The following VWA2 variants were observed in gnomAD, a reference collection of about 807,000 sequenced individuals.
The protein encoded by VWA2 is von Willebrand factor A domain containing 2, also known as von Willebrand factor A domain-containing protein 2.
Under a neutral mutation model 70.4 loss-of-function variants are expected in VWA2, and 73 were observed. The observed-to-expected ratio is 1.04, with a 90% CI of 0.86 to 1.26. The LOEUF (loss-of-function observed/expected upper bound fraction) is 1.26, where lower values mean the gene tolerates loss of function less well. VWA2 is among the 50% of genes most tolerant of loss of function. The pLI is 0.00. For synonymous variants in VWA2, 407 were observed against 423.3 expected (o/e 0.96, Z 0.47); for missense variants, 1,011 against 998.5 (o/e 1.01, Z -0.17).
At chr10:114,239,967 C>T (rs552804401) in intron 1 of VWA2, among the ~76,000 whole-genome samples, 147 of 152,304 alleles carry the variant, frequency 9.7e-4, no homozygotes, top group Non-Finnish European at 1.8e-3. Context: ...CCTTCCCTGG[C>T]GGCCGCGGAA....
At position 114,292,652 on chromosome 10, in the gene VWA2, T is replaced by C. The variant is rs1001562798; in HGVS notation, c.*1415T>C. Reference sequence around the variant, plus strand: ...TTCTCCTTGGTTGTGTTGTTTAGAGTTGGATTTTCTGTAGAAATCTTTCTA... The same window carrying C: ...TTCTCCTTGGTTGTGTTGTTTAGAGCTGGATTTTCTGTAGAAATCTTTCTA... On this transcript the variant is annotated 3_prime_UTR_variant, in exon 14 of 14. Coordinates refer to ENST00000392982, the MANE Select transcript of VWA2 (RefSeq NM_001272046.2). Among the ~76,000 whole-genome samples the C allele has an allele frequency of 6.6e-6, 1 of 151,566 alleles. No homozygotes were observed. Among genetic ancestry groups the C allele is most frequent in the African/African-American group, 2.4e-5 (1 of 41,226 alleles).
In VWA2 at chr10:114,288,922, C is replaced by T. The variant is rs1475647427; in HGVS notation, c.1571-16C>T. On this transcript the variant is annotated splice_polypyrimidine_tract_variant and intron_variant, in intron 11 of 13. Coordinates refer to ENST00000392982, the MANE Select transcript of VWA2 (RefSeq NM_001272046.2). ...TGGCACATCCACTGCTGAAGCCCCT[C>T]TGCTTGCTCCTGCAGGGTGCCGGAC... 4.4e-6 allele frequency: 7 copies of T among 1,586,388 alleles called. No homozygotes were observed. Among genetic ancestry groups the T allele is most frequent in the African/African-American group, 1.3e-5 (1 of 74,580 alleles).
chr10:114,282,174 T>G (rs986505063), intron 8 of VWA2, among the ~76,000 whole-genome samples: 2 of 152,122 alleles, frequency 1.3e-5, no homozygotes, highest in African/African-American at 4.8e-5. Flanking sequence ...CAGCTAATTT[T>G]TGTATTTTTA....
rs116145566 is a variant in VWA2 at position 114,278,759 on chromosome 10, G to A, written c.741G>A (p.Leu247=). 1.8e-3 allele frequency: 2,929 copies of A among 1,613,940 alleles called. 60 individuals are homozygous for A. The African/African-American group carries it at 0.036, about 20-fold the overall frequency. Residue 247 remains leucine (L), a synonymous_variant, in exon 8 of 14, where the codon CTG becomes CTA. Coordinates refer to ENST00000392982, the MANE Select transcript of VWA2 (RefSeq NM_001272046.2). ...VEAHPCEHRT[L]EMVREFAGNA... The stretch of plus-strand genomic sequence containing the variant: ...CTCACCCCTGTGAGCACAGGACGCT[G>A]GAGATGGTCCGGGAGTTCGCTGGCA...
At chr10:114,289,518 C>T (rs1455535621) in intron 12 of VWA2, 29 bp downstream of exon 12, 1 of 1,611,032 alleles carries the variant, frequency 6.2e-7, no homozygotes. Context: ...ACCCTCAGGG[C>T]TGCCCCCATG....
In VWA2 at chr10:114,261,587, G is replaced by A. The variant is rs143774116; in HGVS notation, c.371+292G>A. The stretch of plus-strand genomic sequence containing the variant: ...TTGAAGGTCACGAATGGGGTTAAGA[G>A]CCTGGAGGAATAGGAGGAACACTGA... On this transcript the variant is annotated intron_variant, in intron 5 of 13. Coordinates refer to ENST00000392982, the MANE Select transcript of VWA2 (RefSeq NM_001272046.2). 6.6e-5 allele frequency among the ~76,000 whole-genome samples: 10 copies of A among 152,298 alleles called. No homozygotes were observed. The East Asian group carries it at 1.9e-3, about 29-fold the overall frequency.
chr10:114,245,074 A>G (rs2037041741), intron 1 of VWA2, among the ~76,000 whole-genome samples: 1 of 152,166 alleles, frequency 6.6e-6, no homozygotes, highest in African/African-American at 2.4e-5. Context: ...TGAGGGGGAC[A>G]GGGGAGGGAG....
At position 114,292,709 on chromosome 10, in the gene VWA2, T is replaced by C. The variant is rs990604166; in HGVS notation, c.*1472T>C. Reference sequence around the variant, plus strand: ...TGATGTGACTCCAGACACTTTATCGTTTTTCTTTTTTTTGAGACGGAGTTT... The same window carrying C: ...TGATGTGACTCCAGACACTTTATCGCTTTTCTTTTTTTTGAGACGGAGTTT... On this transcript the variant is annotated 3_prime_UTR_variant, in exon 14 of 14. Coordinates refer to ENST00000392982, the MANE Select transcript of VWA2 (RefSeq NM_001272046.2). 2.0e-5 allele frequency among the ~76,000 whole-genome samples: 3 copies of C among 151,742 alleles called. No homozygotes were observed. Among genetic ancestry groups the C allele is most frequent in the African/African-American group, 7.3e-5 (3 of 41,292 alleles).
At position 114,289,330 on chromosome 10, in the gene VWA2, C is replaced by G. The variant is rs1326734254; in HGVS notation, c.1963C>G (p.Leu655Val). ...GGATGCAGCCGTTCCTGCCCAGAAG[C>G]TGAGGAACAATGGCATCTCTGTCTT... ...AEDAAVPAQK[L>V]RNNGISVLVV... The change falls in exon 12 of 14, where the codon CTG (leucine) becomes GTG (valine). Residue 655 changes from leucine (L) to valine (V), a missense_variant. Transcript: ENST00000392982. The G allele has an allele frequency of 2.5e-6, 4 of 1,614,256 alleles. No homozygotes were observed. Among genetic ancestry groups the G allele is most frequent in the Non-Finnish European group, 3.4e-6 (4 of 1,180,046 alleles).
At chr10:114,281,856 G>T in intron 8 of VWA2, 1 of 623,910 alleles carries the variant, frequency 1.6e-6, no homozygotes, top group African/African-American at 2.0e-5. Flanking sequence ...TAACATGTCT[G>T]TGGTCACACA....
Position 114,265,624 on chromosome 10 carries a change from G to A in VWA2, c.371+4329G>A, listed in dbSNP as rs543540139. Among the ~76,000 whole-genome samples, 42 of 152,284 alleles carry A rather than the reference G, an allele frequency of 2.8e-4. No individual in the cohort carries two copies. The South Asian group carries it at 7.9e-3, about 29-fold the overall frequency. ...CACGCTCCCTCTCCCACACCCCCTA[G>A]ATGATTAGTTGAGCTGCTTTTCAGC... On this transcript the variant is annotated intron_variant, in intron 5 of 13. Transcript: ENST00000392982.
intron 1 of VWA2, chr10:114,246,286 A>T: frequency 1.6e-6 from 1 of 643,016 alleles, no homozygotes; most frequent in Non-Finnish European, 2.8e-6. Flanking sequence ...GTATCACCTG[A>T]GGTCAGGAGT....
At chr10:114,278,335 T>G (rs2133378382) in intron 7 of VWA2, among the ~76,000 whole-genome samples, 2 of 152,148 alleles carry the variant, frequency 1.3e-5, no homozygotes, top group South Asian at 4.2e-4. Context: ...CCAAGTCTCC[T>G]CCCCCTGCCT....
In VWA2 at chr10:114,286,241, T is replaced by C. The variant is rs987389617; in HGVS notation, c.1300T>C (p.Phe434Leu). 23 of 1,612,974 alleles carry C rather than the reference T, an allele frequency of 1.4e-5. 1 individual carries two copies. Reference protein sequence around the residue: ...SALRQAAERGFGSATRTGQDR... With the variant: ...SALRQAAERGLGSATRTGQDR... ...CTTGCGGCAGGCGGCAGAGCGTGGC[T>C]TCGGGAGCGCCACCAGGACAGGCCA... The change falls in exon 11 of 14, where the codon TTC becomes CTC. Residue 434 changes from phenylalanine (F) to leucine (L), a missense_variant. Coordinates refer to ENST00000392982, the MANE Select transcript of VWA2 (RefSeq NM_001272046.2).
chr10:114,281,768 G>A (rs190282212), intron 8 of VWA2: 159 of 985,098 alleles, frequency 1.6e-4, no homozygotes, highest in Non-Finnish European at 9.3e-5. Flanking sequence ...TCTCCCCATC[G>A]AAGCTTTAAG....
chr10:114,286,817 ATTG>A (rs1320245007), intron 11 of VWA2, among the ~76,000 whole-genome samples: 2 of 152,248 alleles, frequency 1.3e-5, no homozygotes, highest in Non-Finnish European at 1.5e-5. Flanking sequence ...TCACGATTTT[ATTG>A]TTGTTGTTAC....
intron 4 of VWA2, among the ~76,000 whole-genome samples, chr10:114,256,888 C>T (rs939331335): frequency 3.9e-5 from 5 of 127,078 alleles, no homozygotes; most frequent in East Asian, 2.3e-4. Context: ...CCAGCCTGGG[C>T]GACAGAGTGA....
At chr10:114,266,825 C>T (rs1266235412) in intron 5 of VWA2, among the ~76,000 whole-genome samples, 2 of 152,134 alleles carry the variant, frequency 1.3e-5, no homozygotes, top group Non-Finnish European at 2.9e-5. Flanking sequence ...TGATAGCCTT[C>T]CCCGGCCCCT....
Position 114,289,411 on chromosome 10 carries a change from C to T in VWA2, c.2044C>T (p.Arg682Trp), listed in dbSNP as rs74157580. Residue 682 changes from arginine (R) to tryptophan (W), a missense_variant, in exon 12 of 14, where the codon CGG becomes TGG. Arg to Trp is a moderately radical substitution (Grantham distance 101). Transcript: ENST00000392982. ...SEGLRRLAGP[R>W]DSLIHVAAYA... ...GGGTCTGCGGAGGCTTGCAGGTCCC[C>T]GGGATTCCCTGATCCACGTGGCAGC... 1,190 of 1,611,060 alleles carry T rather than the reference C, an allele frequency of 7.4e-4. 3 individuals are homozygous for T. The African/African-American group carries it at 0.01, about 14-fold the overall frequency.
Sources: gnomAD v4.1 joint callset for allele counts (sites outside exome capture counted in the v4.1 genomes callset) on GRCh38, gnomAD v4.1.1 for gene constraint, MANE v1.5 for transcripts, NCBI Gene and HGNC (gene_info 2026-07-23, HGNC 2026-07-21) for gene names.